Variants in C2CD5 observed in about 807,000 individuals in gnomAD.
The protein encoded by C2CD5 is C2 calcium dependent domain containing 5, also known as C2 domain-containing protein 5.
A neutral mutation model predicts 130.3 loss-of-function variants in C2CD5; 109 were observed. The ratio of observed to expected loss-of-function variants is 0.84; its 90% CI spans 0.72 to 0.98. The LOEUF is 0.98. Among genes scored for constraint, C2CD5 ranks in the 50% least tolerant of loss-of-function variants. The probability of loss-of-function intolerance (pLI) is 0.00; values close to 1 mark genes in which losing one functional copy is unlikely to be tolerated. For synonymous variants in C2CD5, 454 were observed against 429.2 expected (o/e 1.06, Z -0.71); for missense variants, 996 against 1,261.8 (o/e 0.79, Z 3.19).
chr12:22,470,752 TC>T, intron 21 of C2CD5, 71 bp downstream of exon 21: 2 of 869,202 alleles, frequency 2.3e-6, no homozygotes, highest in Non-Finnish European at 3.8e-6. Flanking sequence ...AATCCACCTG[TC>T]CTGTATATTT....
intron 3 of C2CD5, among the ~76,000 whole-genome samples, chr12:22,531,263 C>T (rs11834683): frequency 6.6e-6 from 1 of 151,838 alleles, no homozygotes; most frequent in Non-Finnish European, 1.5e-5. Context: ...TTAGAAGCAG[C>T]TAAAAGAAAA....
At chr12:22,491,086 C>T (rs974186769) in intron 11 of C2CD5, among the ~76,000 whole-genome samples, 4 of 152,176 alleles carry the variant, frequency 2.6e-5, no homozygotes, top group Non-Finnish European at 5.9e-5. Flanking sequence ...AGCAGAAGTG[C>T]ATTTCAGAGA....
intron 9 of C2CD5, among the ~76,000 whole-genome samples, chr12:22,508,517 ATATT>A (rs1311538361): frequency 5.3e-5 from 8 of 152,320 alleles, no homozygotes; most frequent in African/African-American, 1.9e-4. Context: ...TAATGAATTC[ATATT>A]TATTATTAGG....
intron 22 of C2CD5, among the ~76,000 whole-genome samples, chr12:22,464,285 C>T (rs150778816): frequency 3.0e-4 from 45 of 152,240 alleles, no homozygotes; most frequent in African/African-American, 9.6e-4. Context: ...TAAAGGTGTA[C>T]GACATTCTAA....
intron 3 of C2CD5, among the ~76,000 whole-genome samples, chr12:22,530,139 C>CACACACACAG (rs1555205967): frequency 8.0e-6 from 1 of 124,546 alleles, no homozygotes; most frequent in African/African-American, 3.1e-5. Flanking sequence ...CACACACACA[C>CACACACACAG]AGTGTATATA....
intron 15 of C2CD5, chr12:22,477,485 TA>T (rs1281700374): frequency 6.6e-6 from 1 of 152,186 alleles, no homozygotes; most frequent in Non-Finnish European, 1.5e-5. Context: ...TTTAAAATAA[TA>T]AAAGCAATAA....
At chr12:22,466,758 T>C (rs1942144488) in intron 22 of C2CD5, among the ~76,000 whole-genome samples, 1 of 152,248 alleles carries the variant, frequency 6.6e-6, no homozygotes, top group African/African-American at 2.4e-5. Flanking sequence ...GATACACTTT[T>C]AAGTGTTTAC....
At chr12:22,482,437 T>C (rs1159891106) in intron 14 of C2CD5, 120 bp downstream of exon 14, 2 of 771,750 alleles carry the variant, frequency 2.6e-6, no homozygotes, top group Non-Finnish European at 2.1e-6. Context: ...CCTCGTCCCA[T>C]AAAGGTCTTA....
chr12:22,495,498 A>T (rs537290811), intron 10 of C2CD5, among the ~76,000 whole-genome samples: 3 of 152,212 alleles, frequency 2.0e-5, no homozygotes, highest in African/African-American at 7.2e-5. Context: ...TATAACACAT[A>T]AAATAATCAA....
chr12:22,543,040 A>G (rs773790953), intron 2 of C2CD5, among the ~76,000 whole-genome samples: 1 of 152,274 alleles, frequency 6.6e-6, no homozygotes, highest in Admixed American at 6.5e-5. Flanking sequence ...GAAGTGATTA[A>G]GAATCACCAT....
chr12:22,523,314 T>C (rs1229051917), intron 7 of C2CD5, 112 bp downstream of exon 7: 2 of 743,046 alleles, frequency 2.7e-6, no homozygotes, highest in Non-Finnish European at 4.3e-6. Context: ...CCAATAAAAA[T>C]CATCACAGAG....
chr12:22,457,493 A>C (rs997918978), intron 24 of C2CD5, among the ~76,000 whole-genome samples: 4 of 152,168 alleles, frequency 2.6e-5, no homozygotes, highest in African/African-American at 9.7e-5. Context: ...TGTAGGAACA[A>C]ATTATTACAA....
Position 22,474,745 on chromosome 12 carries a change from C to T in C2CD5, c.2043+6G>A. 3 of 1,590,434 alleles carry T rather than the reference C, an allele frequency of 1.9e-6. No homozygotes were observed. The highest frequency in any genetic ancestry group is 2.6e-6 in the Non-Finnish European group (3 of 1,169,756). On this transcript the variant is annotated splice_donor_region_variant and intron_variant, in intron 16 of 26. Transcript: ENST00000446597. ...CCTTTAAGAAATTAGTCCAATGCCA[C>T]ATTACCTCCAAAACAAAAGCATCTT...
intron 15 of C2CD5, among the ~76,000 whole-genome samples, chr12:22,475,374 A>G (rs1019500659): frequency 1.3e-5 from 2 of 152,210 alleles, no homozygotes; most frequent in Admixed American, 6.5e-5. Flanking sequence ...GAATACATAT[A>G]TACTTATACT....
At chr12:22,494,710 A>C (rs552133053) in intron 10 of C2CD5, among the ~76,000 whole-genome samples, 188 of 152,232 alleles carry the variant, frequency 1.2e-3, no homozygotes, top group South Asian at 8.7e-3. Context: ...GTAGAAGATA[A>C]AATAAGGAAG....
Position 22,482,570 on chromosome 12 carries a change from A to G in C2CD5, c.1724T>C (p.Leu575Ser), listed in dbSNP as rs1422029588. Residue 575 changes from leucine (L) to serine (S), a missense_variant, in exon 14 of 27, where the codon TTG (leucine) becomes TCG (serine). Physicochemically the swap from Leu to Ser is moderately radical, Grantham distance 145. This residue lies in a region of C2CD5 where 590 missense variants were observed against 631.4 expected (regional missense o/e 0.93). Transcript: ENST00000446597. ...RIQITVGENM[L>S]MGLASATGVY... ...ATCTAAACTTACCGCTAAGCCCATC[A>G]ACATATTTTCACCCACTGTGATCTG... The G allele has an allele frequency of 6.2e-7, 1 of 1,613,470 alleles. No individual in the cohort carries two copies. Among genetic ancestry groups the G allele is most frequent in the Non-Finnish European group, 8.5e-7 (1 of 1,179,754 alleles).
chr12:22,502,522 T>C (rs1430550261), intron 10 of C2CD5, among the ~76,000 whole-genome samples: 1 of 152,200 alleles, frequency 6.6e-6, no homozygotes, highest in Non-Finnish European at 1.5e-5. Flanking sequence ...TGATAATTTA[T>C]GGTATTTCTA....
chr12:22,499,062 A>C (rs1158878648), intron 10 of C2CD5, among the ~76,000 whole-genome samples: 1 of 152,232 alleles, frequency 6.6e-6, no homozygotes, highest in Non-Finnish European at 1.5e-5. Context: ...GAAAAAAATA[A>C]AAGATCATAC....
chr12:22,531,594 G>C (rs1381900177), intron 3 of C2CD5, among the ~76,000 whole-genome samples: 3 of 152,118 alleles, frequency 2.0e-5, no homozygotes, highest in African/African-American at 4.8e-5. Flanking sequence ...TTTTAAAAGA[G>C]GAGGAGTTTA....
Sources: allele counts gnomAD v4.1 joint callset (sites outside exome capture counted in the v4.1 genomes callset), GRCh38; gene constraint gnomAD v4.1.1; regional missense constraint gnomAD v4.1.1; transcripts MANE v1.5; gene names NCBI Gene and HGNC (gene_info 2026-07-23, HGNC 2026-07-21).